The following GNG4 variants were observed in gnomAD, a reference collection of about 807,000 sequenced individuals.
The protein encoded by GNG4 is G protein subunit gamma 4, also known as guanine nucleotide-binding protein G(I)/G(S)/G(O) subunit gamma-4.
Under a neutral mutation model 5.8 loss-of-function variants are expected in GNG4, and 4 were observed. The observed-to-expected ratio is 0.69, with a 90% CI of 0.34 to 1.57. The LOEUF (loss-of-function observed/expected upper bound fraction) is 1.57. Ranked by LOEUF, GNG4 falls within the 40% of genes most tolerant of loss-of-function variation. The pLI is 0.06. For missense variants in GNG4, 96 were observed against 95.1 expected (o/e 1.01, Z -0.04); for synonymous variants, 29 against 32.9 (o/e 0.88, Z 0.41).
chr1:235,628,993 A>ATTTTTTTTTTTTTTTT (rs1054950474), intron 1 of GNG4, among the ~76,000 whole-genome samples: 3 of 118,356 alleles, frequency 2.5e-5, no homozygotes, highest in African/African-American at 9.0e-5. Context: ...ATTTGCTTGA[A>ATTTTTTTTTTTTTTTT]TTTTTTTTTT....
intron 1 of GNG4, among the ~76,000 whole-genome samples, chr1:235,610,046 T>A (rs1003828357): frequency 6.6e-6 from 1 of 151,924 alleles, no homozygotes; most frequent in Admixed American, 6.6e-5. Flanking sequence ...TCTAACGCTA[T>A]TCAGATTTCA....
chr1:235,552,201 CA>C lies in GNG4; in HGVS notation c.135del (p.Cys45TrpfsTer49), dbSNP rs1272562548. 3 of 1,613,904 alleles carry C rather than the reference CA, an allele frequency of 1.9e-6. No individual in the cohort carries two copies. The East Asian group carries it at 6.7e-5, about 36-fold the overall frequency. On this transcript the variant is annotated frameshift_variant, in exon 4 of 4. Transcript: ENST00000391854. LOFTEE classifies it high-confidence loss of function. Reference sequence around the variant, plus strand: ...AGAGGATCTTCCCGCACGTGAGCTTCACAGTAGGCCAGGAGGTCCGCAGCTG... The same window carrying C: ...AGAGGATCTTCCCGCACGTGAGCTTCCAGTAGGCCAGGAGGTCCGCAGCTG... ...SQAAADLLAY[C>X]EAHVREDPLI...
intron 2 of GNG4, among the ~76,000 whole-genome samples, chr1:235,587,834 G>C (rs562821819): frequency 6.6e-6 from 1 of 150,392 alleles, no homozygotes; most frequent in Non-Finnish European, 1.5e-5. Context: ...CAGAGCATGC[G>C]GGGTGAACGT....
At chr1:235,582,285 G>C (rs1211267083) in intron 3 of GNG4, among the ~76,000 whole-genome samples, 1 of 152,172 alleles carries the variant, frequency 6.6e-6, no homozygotes, top group East Asian at 1.9e-4. Context: ...TTCCGCACCT[G>C]TGTGCATGGC....
chr1:235,553,476 C>T (rs1686809182), intron 3 of GNG4, among the ~76,000 whole-genome samples: 1 of 152,124 alleles, frequency 6.6e-6, no homozygotes, highest in Non-Finnish European at 1.5e-5. Context: ...AAATGTTCCA[C>T]AGATGAAGAA....
chr1:235,585,733 G>A (rs114361461), intron 2 of GNG4, among the ~76,000 whole-genome samples: 1 of 152,224 alleles, frequency 6.6e-6, no homozygotes, highest in African/African-American at 2.4e-5. Context: ...GTGGGGGTGT[G>A]TCTTCAAGGT....
At chr1:235,645,797 C>CG (rs1657491674) in intron 1 of GNG4, among the ~76,000 whole-genome samples, 2 of 90,384 alleles carry the variant, frequency 2.2e-5, no homozygotes, top group Non-Finnish European at 4.2e-5. Flanking sequence ...AACTCAGTCT[C>CG]AAAAAAAAAA....
chr1:235,586,392 GTGC>G (rs761388990), intron 2 of GNG4, among the ~76,000 whole-genome samples: 3 of 152,190 alleles, frequency 2.0e-5, no homozygotes, highest in Non-Finnish European at 4.4e-5. Flanking sequence ...GTGTGTGTGT[GTGC>G]TGATGTGTGT....
rs148529819 is a variant in GNG4, at chr1:235,580,615, C to T, written c.99+3125G>A. On this transcript the variant is annotated intron_variant, in intron 3 of 3. Transcript: ENST00000391854. ...CTCTGTTTCTGAACCAAATCTGACA[C>T]AGCTGTCACTGGCCTACTCCCTGGA... Among the ~76,000 whole-genome samples the T allele has an allele frequency of 2.4e-3, 365 of 152,310 alleles. 6 individuals are homozygous for T. The highest frequency in any genetic ancestry group is 7.0e-3 in the African/African-American group (290 of 41,552).
In GNG4 at chr1:235,622,873, CAAAA is replaced by C. The variant is rs59428350; in HGVS notation, c.-123+26785_-123+26788del. ...CTGGTGACAGAGTAAGACTCCATCT[CAAAA>C]AAAAAAAAAAAAAATAGCCAGGCGT... is the stretch of plus-strand genomic sequence containing the variant. On this transcript the variant is annotated intron_variant, in intron 1 of 3. Transcript: ENST00000391854. 1.1e-4 allele frequency among the ~76,000 whole-genome samples: 7 copies of C among 66,654 alleles called. 1 individual carries two copies. The highest frequency in any genetic ancestry group is 1.7e-4 in the African/African-American group (2 of 11,650). 43.7% of individuals were successfully genotyped at this position (66,654 alleles called of 152,430 possible). A position where few individuals can be genotyped will look rare whatever the true frequency, so the allele number is the denominator to read the frequency against.
intron 3 of GNG4, among the ~76,000 whole-genome samples, chr1:235,579,818 T>G (rs1479468925): frequency 2.3e-5 from 3 of 127,906 alleles, no homozygotes; most frequent in African/African-American, 9.6e-5. Context: ...GCCACTGCAC[T>G]CCAGCCCAGG....
intron 1 of GNG4, among the ~76,000 whole-genome samples, chr1:235,609,403 A>G (rs1218907634): frequency 6.6e-6 from 1 of 152,012 alleles, no homozygotes; most frequent in Admixed American, 6.6e-5. Context: ...TTGCCAACAT[A>G]TGTTATTTTC....
chr1:235,619,624 T>C (rs1309891169), intron 1 of GNG4, among the ~76,000 whole-genome samples: 1 of 152,206 alleles, frequency 6.6e-6, no homozygotes, highest in East Asian at 1.9e-4. Flanking sequence ...CCTGATAGGA[T>C]TATGGTCCAG....
intron 1 of GNG4, among the ~76,000 whole-genome samples, chr1:235,611,084 T>A (rs1459704223): frequency 6.6e-6 from 1 of 151,636 alleles, no homozygotes; most frequent in Non-Finnish European, 1.5e-5. Context: ...CGAGACTTCA[T>A]CTCAAAGAAA....
intron 3 of GNG4, among the ~76,000 whole-genome samples, chr1:235,571,401 C>T (rs1687338345): frequency 6.6e-6 from 1 of 152,132 alleles, no homozygotes; most frequent in South Asian, 2.1e-4. Context: ...TAACAGAGTA[C>T]CCACTTCATT....
intron 1 of GNG4, among the ~76,000 whole-genome samples, chr1:235,640,903 G>A (rs1186504951): frequency 2.0e-5 from 3 of 152,260 alleles, no homozygotes; most frequent in Admixed American, 2.0e-4. Context: ...CAGCCAGGCT[G>A]TGAAGAGGCC....
intron 1 of GNG4, among the ~76,000 whole-genome samples, chr1:235,645,197 G>A (rs2102991410): frequency 6.6e-6 from 1 of 152,214 alleles, no homozygotes; most frequent in South Asian, 2.1e-4. Flanking sequence ...GTTCATCAGT[G>A]TCTGGACCTG....
chr1:235,629,172 C>T (rs1008566505), intron 1 of GNG4, among the ~76,000 whole-genome samples: 4 of 151,340 alleles, frequency 2.6e-5, no homozygotes, highest in African/African-American at 9.8e-5. Flanking sequence ...CACGTGCCAC[C>T]ATGCCCCGCC....
chr1:235,585,206 CT>C (rs1687729950), intron 2 of GNG4, among the ~76,000 whole-genome samples: 1 of 144,624 alleles, frequency 6.9e-6, no homozygotes, highest in Admixed American at 6.8e-5. Context: ...CTTCTTTTTC[CT>C]TTTCCTTTCC....
Sources: allele counts gnomAD v4.1 joint callset (sites outside exome capture counted in the v4.1 genomes callset), GRCh38; gene constraint gnomAD v4.1.1; transcripts MANE v1.5; gene names NCBI Gene and HGNC (gene_info 2026-07-23, HGNC 2026-07-21).